BOP1: variants seen among roughly 807,000 people sequenced by gnomAD.
The protein encoded by BOP1 is BOP1 ribosomal biogenesis factor, also known as ribosome biogenesis protein BOP1.
Under a neutral mutation model 82.9 loss-of-function variants are expected in BOP1, and 54 were observed. The observed-to-expected ratio is 0.65, with a 90% CI of 0.52 to 0.82. The LOEUF (loss-of-function observed/expected upper bound fraction) is 0.82, where lower values mean the gene tolerates loss of function less well. Ranked by LOEUF, BOP1 falls within the 40% of genes least tolerant of loss-of-function variation. The pLI is 0.00. For synonymous variants in BOP1, 566 were observed against 451.1 expected (o/e 1.25, Z -3.23); for missense variants, 1,170 against 1,072.0 (o/e 1.09, Z -1.28).
intron 3 of BOP1, chr8:144,266,449 C>G (rs1845365961): frequency 1.9e-5 from 18 of 959,234 alleles, no homozygotes; most frequent in Non-Finnish European, 2.2e-5. Flanking sequence ...CGGGGCCCCG[C>G]TCCGGCCCGG....
intron 3 of BOP1, chr8:144,266,457 C>T (rs1190236036): frequency 9.7e-5 from 94 of 969,354 alleles, no homozygotes; most frequent in Admixed American, 1.2e-4. Context: ...CGCTCCGGCC[C>T]GGGACGCACA....
At chr8:144,286,047 G>A (rs113280950) in intron 2 of BOP1, among the ~76,000 whole-genome samples, 9,610 of 152,292 alleles carry the variant, frequency 0.063, 430 homozygotes, top group Non-Finnish European at 0.084. Context: ...CTGCAGGGCT[G>A]CACAATGGGA....
intron 3 of BOP1, 177 bp from the exon 4 acceptor site, chr8:144,265,248 G>A (rs1813940122): frequency 5.4e-6 from 4 of 735,210 alleles, no homozygotes; most frequent in Admixed American, 2.9e-5. Context: ...GACGTGGCAT[G>A]GCGGCCACGC....
intron 3 of BOP1, chr8:144,266,719 G>A: frequency 8.4e-7 from 1 of 1,196,074 alleles, no homozygotes; most frequent in South Asian, 1.6e-5. Context: ...CTCGGGCTCC[G>A]ACGAGAAACC....
chr8:144,279,988 C>G (rs587628557), intron 2 of BOP1, among the ~76,000 whole-genome samples: 1 of 152,334 alleles, frequency 6.6e-6, no homozygotes, highest in East Asian at 1.9e-4. Flanking sequence ...TGGAATGTAC[C>G]AGAACCCTCT....
intron 3 of BOP1, among the ~76,000 whole-genome samples, chr8:144,274,588 G>A (rs1037697026): frequency 2.6e-5 from 4 of 152,234 alleles, no homozygotes; most frequent in African/African-American, 7.2e-5. Flanking sequence ...GCCACTGGCC[G>A]GCTGTGCTGG....
Position 144,264,034 on chromosome 8 carries a change from G to C in BOP1, c.1087C>G (p.Arg363Gly). The C allele has an allele frequency of 4.3e-6, 7 of 1,609,574 alleles. No individual in the cohort carries two copies. In the South Asian group the frequency reaches 6.6e-5, roughly 15 times the overall value. Reference sequence around the variant, plus strand: ...TACAGGTCAAGGCAGCGCTCGAAGCGTTCCTGGATGAAGCGTCCGTAGGCA... The same window carrying C: ...TACAGGTCAAGGCAGCGCTCGAAGCCTTCCTGGATGAAGCGTCCGTAGGCA... ...VPAYGRFIQE[R>G]FERCLDLYLC... is the part of the protein sequence containing the mutation. Residue 363 changes from arginine to glycine, a missense_variant, in exon 8 of 16, where the codon CGC becomes GGC. Coordinates refer to ENST00000569669, the MANE Select transcript of BOP1 (RefSeq NM_015201.5).
rs909740838 is a variant in BOP1 at position 144,262,076 on chromosome 8, A to G, written c.*88T>C. ...GGGGGCGGCTTTGTTGGCAACCCCA[A>G]TTCAAGAAGGTGGGAGCACCAGGCA... On this transcript the variant is annotated 3_prime_UTR_variant, in exon 16 of 16. Transcript: ENST00000569669. The G allele has an allele frequency of 2.5e-6, 4 of 1,587,936 alleles. No homozygotes were observed. The highest frequency in any genetic ancestry group is 2.2e-4 in the Middle Eastern group (1 of 4,486).
chr8:144,267,965 CT>C (rs1588592639), intron 3 of BOP1: 1 of 1,346,378 alleles, frequency 7.4e-7, no homozygotes, highest in East Asian at 2.5e-5. Flanking sequence ...CCCCAAAACG[CT>C]TGAGGGAAGC....
Position 144,291,351 on chromosome 8 carries a change from G to A in BOP1, c.20C>T (p.Ala7Val), listed in dbSNP as rs1390090858. 6 of 1,373,832 alleles carry A rather than the reference G, an allele frequency of 4.4e-6. No individual in the cohort carries two copies. Among genetic ancestry groups the A allele is most frequent in the East Asian group, 6.8e-5 (2 of 29,538 alleles). The allele number at this position is 1,373,832 out of a possible 1,614,324, so 85.1% of individuals were successfully genotyped here. MAGSRGAGRTAAPSVRP... is the reference protein window; with the variant it reads MAGSRGVGRTAAPSVRP... ...CACGCTCGGCGCCGCCGTGCGCCCCGCACCCCGCGAACCCGCCATGCCCCA... is the reference window on the plus strand; with the variant it reads ...CACGCTCGGCGCCGCCGTGCGCCCCACACCCCGCGAACCCGCCATGCCCCA... The change falls in exon 1 of 16, where the codon GCG becomes GTG. Residue 7 changes from alanine to valine, a missense_variant. Ala to Val is a moderately conservative substitution (Grantham distance 64). Coordinates refer to ENST00000569669, the MANE Select transcript of BOP1 (RefSeq NM_015201.5). The surrounding 1 kb of genome is among the most constrained non-coding windows in gnomAD (Gnocchi z 4.1).
chr8:144,267,679 G>A (rs1328944062), intron 3 of BOP1, among the ~76,000 whole-genome samples: 3 of 152,284 alleles, frequency 2.0e-5, no homozygotes, highest in Non-Finnish European at 2.9e-5. Context: ...GTCCTGTAGG[G>A]CTGCCCGAGA....
At chr8:144,270,090 G>A (rs1845467575) in intron 3 of BOP1, among the ~76,000 whole-genome samples, 1 of 152,180 alleles carries the variant, frequency 6.6e-6, no homozygotes, top group African/African-American at 2.4e-5. Flanking sequence ...GGTCAACGTT[G>A]GGGACAAATG....
chr8:144,262,982 GGTGGAAGGCCACTCGCTGCACCTGTCC>G lies in BOP1; in HGVS notation c.1738_1764del (p.Gly580_His588del). Reference sequence around the variant, plus strand: ...GCCACCAACAGGAAGGGCCGGGCAGGGTGGAAGGCCACTCGCTGCACCTGTCCGTGGCTGCGGCGGAACGGACTCTGG... The same window carrying G: ...GCCACCAACAGGAAGGGCCGGGCAGGGTGGCTGCGGCGGAACGGACTCTGG... On this transcript the variant is annotated inframe_deletion, in exon 13 of 16. Transcript: ENST00000569669. 1 of 1,552,820 alleles carries G rather than the reference GGTGGAAGGCCACTCGCTGCACCTGTCC, an allele frequency of 6.4e-7. No individual in the cohort carries two copies. Among genetic ancestry groups the G allele is most frequent in the Non-Finnish European group, 8.6e-7 (1 of 1,156,358 alleles).
At chr8:144,286,426 TCA>T (rs1814871309) in intron 2 of BOP1, among the ~76,000 whole-genome samples, 2 of 76,198 alleles carry the variant, frequency 2.6e-5, no homozygotes, top group Non-Finnish European at 5.5e-5. Flanking sequence ...CCTCGGCCCC[TCA>T]GCTAAAGCAC....
chr8:144,282,099 C>CAG (rs1469113359), intron 2 of BOP1, among the ~76,000 whole-genome samples: 2 of 152,274 alleles, frequency 1.3e-5, no homozygotes, highest in Non-Finnish European at 2.9e-5. Flanking sequence ...GCCCTGCAAC[C>CAG]AGTCCTCGCT....
In BOP1 at chr8:144,264,507, T is replaced by G; in HGVS notation, c.765+8A>C. ...CCCAGGCCAAGCCCCAGGGGCTGTG[T>G]GCCCCACCTTCTCCTTCTCCACCAG... On this transcript the variant is annotated splice_region_variant and intron_variant, in intron 6 of 15. Transcript: ENST00000569669. 5 of 1,609,358 alleles carry G rather than the reference T, an allele frequency of 3.1e-6. No homozygotes were observed. The highest frequency in any genetic ancestry group is 2.2e-5 in the South Asian group (2 of 90,640).
At chr8:144,282,214 G>C (rs1325721067) in intron 2 of BOP1, among the ~76,000 whole-genome samples, 1 of 152,216 alleles carries the variant, frequency 6.6e-6, no homozygotes, top group African/African-American at 2.4e-5. Flanking sequence ...TCAGTGGAGG[G>C]CTGGGAGCAC....
At chr8:144,270,323 G>A (rs1845472119) in intron 3 of BOP1, among the ~76,000 whole-genome samples, 1 of 152,148 alleles carries the variant, frequency 6.6e-6, no homozygotes. Flanking sequence ...CAGAGCCCCC[G>A]TGGACTGGGG....
At chr8:144,262,562 C>T in intron 14 of BOP1, 26 bp downstream of exon 14, 1 of 1,612,848 alleles carries the variant, frequency 6.2e-7, no homozygotes, top group South Asian at 1.1e-5. Context: ...GCTCTGCTGG[C>T]CGCCTCCACC....
Sources: allele counts gnomAD v4.1 joint callset (sites outside exome capture counted in the v4.1 genomes callset), GRCh38; gene constraint gnomAD v4.1.1; non-coding constraint Gnocchi (gnomAD v3.1); transcripts MANE v1.5; gene names NCBI Gene and HGNC (gene_info 2026-07-23, HGNC 2026-07-21).